Variants in NDST1 observed in about 807,000 individuals in gnomAD.
NDST1 encodes the protein bifunctional heparan sulfate N-deacetylase/N-sulfotransferase 1.
Under a neutral mutation model 92.8 loss-of-function variants are expected in NDST1, and 35 were observed. The observed-to-expected ratio is 0.38, with a 90% CI of 0.29 to 0.50. The LOEUF is 0.50. Ranked by LOEUF, NDST1 falls within the 20% of genes least tolerant of loss-of-function variation. NDST1 has a pLI of 0.94. For synonymous variants in NDST1, 493 were observed against 500.3 expected (o/e 0.99, Z 0.19); for missense variants, 822 against 1,182.7 (o/e 0.69, Z 4.47).
intron 6 of NDST1, among the ~76,000 whole-genome samples, chr5:150,538,124 A>G (rs1033637705): frequency 3.3e-5 from 5 of 152,180 alleles, no homozygotes; most frequent in African/African-American, 1.2e-4. Flanking sequence ...AAGGCAGAGA[A>G]CACAAGTGCA....
In NDST1 at chr5:150,530,997, G is replaced by C. The variant is rs146588522; in HGVS notation, c.1009-1948G>C. On this transcript the variant is annotated intron_variant, in intron 3 of 14. Transcript: ENST00000261797. ...TCTTTCACACACTCAGCTCAGTCCA[G>C]ATTGCAAAGTGCTTCTCCAGCCACA... Among the ~76,000 whole-genome samples the C allele has an allele frequency of 2.0e-5, 3 of 151,820 alleles. No individual in the cohort carries two copies. The East Asian group carries it at 5.8e-4, about 29-fold the overall frequency.
At chr5:150,518,054 T>C (rs890506791) in intron 1 of NDST1, among the ~76,000 whole-genome samples, 1 of 152,130 alleles carries the variant, frequency 6.6e-6, no homozygotes, top group Non-Finnish European at 1.5e-5. Flanking sequence ...CCTTCCTGGC[T>C]CTGCCCAGGA....
chr5:150,534,143 C>T (rs187566639), intron 4 of NDST1, among the ~76,000 whole-genome samples: 56 of 151,212 alleles, frequency 3.7e-4, no homozygotes, highest in African/African-American at 1.3e-3. Context: ...GTCACCCAGG[C>T]AGGAGTACAG....
chr5:150,539,150 T>C, intron 6 of NDST1, 78 bp from the exon 7 acceptor site: 1 of 1,238,428 alleles, frequency 8.1e-7, no homozygotes, highest in South Asian at 1.2e-5. Flanking sequence ...AGCTGGGCCT[T>C]CTTCCTCTGA....
intron 1 of NDST1, among the ~76,000 whole-genome samples, chr5:150,510,859 A>G (rs955660898): frequency 6.6e-6 from 1 of 152,226 alleles, no homozygotes; most frequent in Non-Finnish European, 1.5e-5. Flanking sequence ...TGATACTAAA[A>G]CACATATAAA....
chr5:150,554,072 A>G lies in NDST1; in HGVS notation c.*740A>G, dbSNP rs979986214. The G allele has an allele frequency of 1.2e-5, 5 of 403,146 alleles. No homozygotes were observed. The highest frequency in any genetic ancestry group is 1.3e-5 in the Non-Finnish European group (3 of 228,490). 25.0% of individuals were successfully genotyped at this position (403,146 alleles called of 1,614,324 possible). ...ATGATGTGTGGTGTTTCCTGTGGTAAAAGACTGAGGCAGGCCAGGGGTCTG... is the reference window on the plus strand; with the variant it reads ...ATGATGTGTGGTGTTTCCTGTGGTAGAAGACTGAGGCAGGCCAGGGGTCTG... On this transcript the variant is annotated 3_prime_UTR_variant, in exon 15 of 15. Coordinates refer to ENST00000261797, the MANE Select transcript of NDST1 (RefSeq NM_001543.5).
In NDST1 at chr5:150,521,048, G is replaced by A. The variant is rs1754222329; in HGVS notation, c.-207G>A. Reference sequence around the variant, plus strand: ...TAAAGGGGCGCGGAGGAAGGAAGGAGCGTGACCAGCCTGTGGACTGCGCCC... The same window carrying A: ...TAAAGGGGCGCGGAGGAAGGAAGGAACGTGACCAGCCTGTGGACTGCGCCC... On this transcript the variant is annotated 5_prime_UTR_variant, in exon 2 of 15. Transcript: ENST00000261797. This position sits in a 1 kb window ranked among gnomAD's most constrained non-coding sequence, Gnocchi z 5.9. 4 of 602,870 alleles carry A rather than the reference G, an allele frequency of 6.6e-6. No homozygotes were observed. Among genetic ancestry groups the A allele is most frequent in the South Asian group, 2.0e-5 (1 of 50,288 alleles). 37.3% of individuals were successfully genotyped at this position (602,870 alleles called of 1,614,324 possible).
intron 1 of NDST1, among the ~76,000 whole-genome samples, chr5:150,514,179 T>G (rs895526141): frequency 5.9e-5 from 9 of 152,248 alleles, no homozygotes; most frequent in Admixed American, 5.2e-4. Flanking sequence ...TGAACAGTTG[T>G]GTGATGTTGG....
Position 150,521,415 on chromosome 5 carries a change from C to T in NDST1, c.161C>T (p.Pro54Leu). ...GAGCCCTCGGCGGATGCCCCCGAGCCTGACTGCGGGGACCCGCCGCCTGTG... is the reference window on the plus strand; with the variant it reads ...GAGCCCTCGGCGGATGCCCCCGAGCTTGACTGCGGGGACCCGCCGCCTGTG... ...GLEPSADAPE[P>L]DCGDPPPVAP... The change falls in exon 2 of 15, where the codon CCT becomes CTT. Residue 54 changes from proline to leucine, a missense_variant. Coordinates refer to ENST00000261797, the MANE Select transcript of NDST1 (RefSeq NM_001543.5). The surrounding 1 kb of genome is among the most constrained non-coding windows in gnomAD (Gnocchi z 5.9). 1.2e-6 allele frequency: 2 copies of T among 1,613,166 alleles called. No individual in the cohort carries two copies. The highest frequency in any genetic ancestry group is 2.7e-5 in the African/African-American group (2 of 75,052).
rs151001732 is a variant in NDST1 at position 150,513,119 on chromosome 5, G to A, written c.-388+4893G>A. Among the ~76,000 whole-genome samples the A allele has an allele frequency of 4.9e-3, 748 of 152,020 alleles. 8 individuals carry two copies. The highest frequency in any genetic ancestry group is 0.017 in the African/African-American group (694 of 41,452). The stretch of plus-strand genomic sequence containing the variant: ...ACTGAGGTAGGAGGATCACTTGAGC[G>A]TGGGAAGTTGAGGCTGCAGTAAGTG... On this transcript the variant is annotated intron_variant, in intron 1 of 14. Coordinates refer to ENST00000261797, the MANE Select transcript of NDST1 (RefSeq NM_001543.5).
intron 3 of NDST1, among the ~76,000 whole-genome samples, chr5:150,531,809 G>T (rs1340432924): frequency 6.6e-6 from 1 of 151,530 alleles, no homozygotes; most frequent in Non-Finnish European, 1.5e-5. Flanking sequence ...GCTCTTACAG[G>T]TTTCTGAGCT....
At chr5:150,505,452 A>G (rs59200799), upstream of NDST1, among the ~76,000 whole-genome samples, 1 of 152,168 alleles carries the variant, frequency 6.6e-6, no homozygotes, top group Non-Finnish European at 1.5e-5. Context: ...CCCAACAGGG[A>G]CCTTAAGCAA....
At chr5:150,520,536 G>A (rs1754199938) in intron 1 of NDST1, among the ~76,000 whole-genome samples, 1 of 152,092 alleles carries the variant, frequency 6.6e-6, no homozygotes, top group Non-Finnish European at 1.5e-5. Context: ...GATTTTTCTT[G>A]GCCTAGTCTT....
intron 2 of NDST1, 62 bp from the exon 3 acceptor site, chr5:150,527,742 G>T: frequency 6.2e-7 from 1 of 1,604,222 alleles, no homozygotes; most frequent in South Asian, 1.1e-5. Context: ...GTGAGAGACT[G>T]TGTCCTTTGG....
At chr5:150,529,231 A>G (rs1167607502) in intron 3 of NDST1, among the ~76,000 whole-genome samples, 1 of 151,944 alleles carries the variant, frequency 6.6e-6, no homozygotes, top group East Asian at 1.9e-4. Flanking sequence ...GTCTCTACAA[A>G]AAATAAAACA....
Position 150,528,427 on chromosome 5 carries a change from A to G in NDST1, c.1008+129A>G, listed in dbSNP as rs946093657. On this transcript the variant is annotated intron_variant, in intron 3 of 14. Transcript: ENST00000261797. ...TGGGAGTTACTTAAAAGACAGTCCC[A>G]CTCTGCTTCCTGTCCTGCCAGTTGG... 5.7e-6 allele frequency: 6 copies of G among 1,055,668 alleles called. No homozygotes were observed. In the Admixed American group the frequency reaches 1.8e-4, roughly 32 times the overall value. The allele number at this position is 1,055,668 out of a possible 1,614,324, so 65.4% of individuals were successfully genotyped here. A position where few individuals can be genotyped will look rare whatever the true frequency, so the allele number is the denominator to read the frequency against.
Position 150,555,761 on chromosome 5 carries a change from G to A in NDST1, c.*2429G>A, listed in dbSNP as rs1755856327. On this transcript the variant is annotated 3_prime_UTR_variant, in exon 15 of 15. Transcript: ENST00000261797. ...GCATGGAAGGCAGGAGAGGTGGGCTGGCCTAGGGCAGGAGCTCCACTTCTC... is the reference window on the plus strand; with the variant it reads ...GCATGGAAGGCAGGAGAGGTGGGCTAGCCTAGGGCAGGAGCTCCACTTCTC... 6.6e-6 allele frequency: 1 copy of A among 152,268 alleles called. No homozygotes were observed. Among genetic ancestry groups the A allele is most frequent in the Non-Finnish European group, 1.5e-5 (1 of 68,064 alleles). 9.4% of individuals were successfully genotyped at this position (152,268 alleles called of 1,614,324 possible).
intron 7 of NDST1, chr5:150,539,569 T>C (rs926429617): frequency 2.1e-6 from 3 of 1,415,828 alleles, no homozygotes; most frequent in African/African-American, 2.9e-5. Flanking sequence ...TTCCTAATCA[T>C]GTACTTTAAT....
chr5:150,551,968 G>A, intron 14 of NDST1, 113 bp downstream of exon 14: 1 of 1,498,758 alleles, frequency 6.7e-7, no homozygotes, highest in Middle Eastern at 1.7e-4. Flanking sequence ...CATGGCCTTA[G>A]CATTTCTTGG....
Sources: allele counts gnomAD v4.1 joint callset (sites outside exome capture counted in the v4.1 genomes callset), GRCh38; gene constraint gnomAD v4.1.1; non-coding constraint Gnocchi (gnomAD v3.1); transcripts MANE v1.5; gene names NCBI Gene and HGNC (gene_info 2026-07-23, HGNC 2026-07-21).